Variants in TTI1 observed in about 807,000 individuals in gnomAD.
The protein encoded by TTI1 is TELO2 interacting protein 1.
A neutral mutation model predicts 85.4 loss-of-function variants in TTI1; 52 were observed. The observed-to-expected ratio is 0.61, with a 90% CI of 0.49 to 0.77. TTI1 has a LOEUF of 0.77. Among genes scored for constraint, TTI1 ranks in the 30% least tolerant of loss-of-function variants. The probability of loss-of-function intolerance (pLI) is 0.00; values close to 1 mark genes in which losing one functional copy is unlikely to be tolerated. For synonymous variants in TTI1, 512 were observed against 503.9 expected, an observed-to-expected ratio of 1.02 and a Z score of -0.22; for missense variants, 1,173 against 1,296.0, an observed-to-expected ratio of 0.91 and a Z score of 1.46.
chr20:38,002,998 C>G (rs946328527), intron 3 of TTI1, among the ~76,000 whole-genome samples: 1 of 152,204 alleles, frequency 6.6e-6, no homozygotes, highest in Non-Finnish European at 1.5e-5. Context: ...GGGCCTTGCT[C>G]TGTCCAAGCT....
chr20:37,996,761 T>G lies in TTI1; in HGVS notation c.2986A>C (p.Arg996=), dbSNP rs750377524. ...GCCTGGTACCCACCTAGGTCCAGTC[T>G]CTCACAGAGGGGGCCCAGGCCCTGT... ...VLQGLGPLCE[R]LDLGEGDLNK... is the part of the protein sequence containing the mutation. The change falls in exon 6 of 8, where the codon AGA becomes CGA. Residue 996 remains arginine, a synonymous_variant. Coordinates refer to ENST00000373447, the MANE Select transcript of TTI1 (RefSeq NM_001303457.2). 6 of 1,610,238 alleles carry G rather than the reference T, an allele frequency of 3.7e-6. No individual in the cohort carries two copies. The South Asian group carries it at 5.5e-5, about 15-fold the overall frequency.
At chr20:38,021,903 G>A (rs1359537348) in intron 1 of TTI1, among the ~76,000 whole-genome samples, 1 of 152,156 alleles carries the variant, frequency 6.6e-6, no homozygotes, top group East Asian at 1.9e-4. Flanking sequence ...TAGATCCCAA[G>A]GTACTTACTG....
At chr20:38,027,024 A>C (rs2073845083) in intron 1 of TTI1, among the ~76,000 whole-genome samples, 1 of 152,290 alleles carries the variant, frequency 6.6e-6, no homozygotes, top group African/African-American at 2.4e-5. Context: ...ATATACTCAG[A>C]AACATCATAG....
intron 1 of TTI1, among the ~76,000 whole-genome samples, chr20:38,023,523 A>G (rs1043527878): frequency 1.3e-5 from 2 of 152,182 alleles, no homozygotes; most frequent in Non-Finnish European, 2.9e-5. Flanking sequence ...ATGATGAAAT[A>G]GGTTCTTGTT....
chr20:38,020,323 A>AAAAATATATATATATATATATATATAT, intron 1 of TTI1, among the ~76,000 whole-genome samples: 3 of 50,380 alleles, frequency 6.0e-5, no homozygotes, highest in African/African-American at 8.9e-5. Flanking sequence ...AAAAAAAAAA[A>AAAAATATATATATATATATATATATAT]ATATATATAT....
Position 38,011,506 on chromosome 20 carries a change from T to C in TTI1, c.2302+9A>G. On this transcript the variant is annotated intron_variant, in intron 2 of 7. Coordinates refer to ENST00000373447, the MANE Select transcript of TTI1 (RefSeq NM_001303457.2). Reference sequence around the variant, plus strand: ...CACACATCAGCATTAAAAAGGGCTCTCAATGTACCTAATGCTGCCATCAGA... The same window carrying C: ...CACACATCAGCATTAAAAAGGGCTCCCAATGTACCTAATGCTGCCATCAGA... The C allele has an allele frequency of 6.2e-7, 1 of 1,612,534 alleles. No homozygotes were observed. Among genetic ancestry groups the C allele is most frequent in the East Asian group, 2.2e-5 (1 of 44,866 alleles).
At position 38,013,178 on chromosome 20, in the gene TTI1, G is replaced by C. The variant is rs758478402; in HGVS notation, c.639C>G (p.Ile213Met). The change falls in exon 2 of 8, where the codon ATC becomes ATG. Residue 213 changes from isoleucine (I) to methionine (M), a missense_variant. By Grantham distance (10) the Ile-to-Met change is conservative (BLOSUM62 1). Coordinates refer to ENST00000373447, the MANE Select transcript of TTI1 (RefSeq NM_001303457.2). ...TGATAAGCCTGGTCAGTGCAGTTGAGATTCCAGGTAAAAAAGAGGCAAACA... is the reference window on the plus strand; with the variant it reads ...TGATAAGCCTGGTCAGTGCAGTTGACATTCCAGGTAAAAAAGAGGCAAACA... ...GDLFASFLPG[I>M]STALTRLITG... 1.2e-6 allele frequency: 2 copies of C among 1,614,170 alleles called. No homozygotes were observed. Among genetic ancestry groups the C allele is most frequent in the Non-Finnish European group, 8.5e-7 (1 of 1,180,042 alleles).
chr20:38,011,591 C>A lies in TTI1; in HGVS notation c.2226G>T (p.Leu742Phe). The A allele has an allele frequency of 6.2e-7, 1 of 1,614,178 alleles. No homozygotes were observed. The highest frequency in any genetic ancestry group is 8.5e-7 in the Non-Finnish European group (1 of 1,180,026). The change falls in exon 2 of 8, where the codon TTG (leucine) becomes TTT (phenylalanine). Residue 742 changes from leucine to phenylalanine, a missense_variant. Leu to Phe is a conservative substitution (Grantham distance 22). Coordinates refer to ENST00000373447, the MANE Select transcript of TTI1 (RefSeq NM_001303457.2). ...TATCGTAAAATTGGTCCAGGGTGGCCAAGACATCTTGAACCACATCTGCCA... is the reference window on the plus strand; with the variant it reads ...TATCGTAAAATTGGTCCAGGGTGGCAAAGACATCTTGAACCACATCTGCCA... ...PLVADVVQDV[L>F]ATLDQFYDKR... is the part of the protein sequence containing the mutation.
At chr20:37,987,060 CGA>C in intron 7 of TTI1, 1 of 418,874 alleles carries the variant, frequency 2.4e-6, no homozygotes, top group Non-Finnish European at 4.8e-6. Context: ...GCTCTCACTC[CGA>C]GAGGCAGGCG....
chr20:37,993,412 TA>T (rs2073293896), intron 7 of TTI1, among the ~76,000 whole-genome samples: 1 of 152,090 alleles, frequency 6.6e-6, no homozygotes, highest in African/African-American at 2.4e-5. Context: ...TATGGCAAAT[TA>T]AAAAAGCAAA....
At chr20:37,995,416 A>C (rs187330160) in intron 7 of TTI1, among the ~76,000 whole-genome samples, 1 of 152,306 alleles carries the variant, frequency 6.6e-6, no homozygotes, top group Admixed American at 6.5e-5. Flanking sequence ...TTGACTCCTA[A>C]CTCCCACCCC....
At chr20:38,025,334 T>C (rs1474423337) in intron 1 of TTI1, among the ~76,000 whole-genome samples, 1 of 152,152 alleles carries the variant, frequency 6.6e-6, no homozygotes, top group Non-Finnish European at 1.5e-5. Flanking sequence ...TTTGGAAGGC[T>C]GTGGCTGGTA....
intron 7 of TTI1, chr20:37,987,109 C>T (rs1163817090): frequency 2.2e-6 from 1 of 453,952 alleles, no homozygotes; most frequent in Non-Finnish European, 4.4e-6. Context: ...TTCCAAACCG[C>T]ACCCTTGTTG....
intron 7 of TTI1, among the ~76,000 whole-genome samples, chr20:37,988,826 GTGTTCCCGT>G (rs568408836): frequency 1.4e-3 from 215 of 152,260 alleles, no homozygotes; most frequent in Non-Finnish European, 2.5e-3. Flanking sequence ...AGTTATTTTG[GTGTTCCCGT>G]TGTTCCCTCT....
chr20:38,010,115 A>T (rs2073561132), intron 2 of TTI1, among the ~76,000 whole-genome samples: 2 of 152,014 alleles, frequency 1.3e-5, no homozygotes, highest in Admixed American at 1.3e-4. Context: ...TATGGCAGGC[A>T]CTCTTGAATG....
At chr20:38,022,340 C>G (rs543075367) in intron 1 of TTI1, among the ~76,000 whole-genome samples, 2 of 152,314 alleles carry the variant, frequency 1.3e-5, no homozygotes, top group Admixed American at 6.5e-5. Flanking sequence ...CTTTCCTTGC[C>G]TTTAAAATTT....
Position 37,983,557 on chromosome 20 carries a change from G to A in TTI1, c.3169C>T (p.Pro1057Ser), listed in dbSNP as rs1426396027. 14 of 1,609,574 alleles carry A rather than the reference G, an allele frequency of 8.7e-6. No homozygotes were observed. Among genetic ancestry groups the A allele is most frequent in the African/African-American group, 1.3e-5 (1 of 74,816 alleles). The change falls in exon 8 of 8, where the codon CCT becomes TCT. Residue 1057 changes from proline (P) to serine (S), a missense_variant. Coordinates refer to ENST00000373447, the MANE Select transcript of TTI1 (RefSeq NM_001303457.2). ...ACAGGGTGGAGGCTGGGGTGGGGAG[G>A]TGTGAACTGCACGGGGCAGTAAAGC... is the stretch of plus-strand genomic sequence containing the variant. Reference protein sequence around the residue: ...NELYCPVQFTPPHPSLHPVQL... With the variant: ...NELYCPVQFTSPHPSLHPVQL...
At chr20:38,006,930 C>G (rs538603332) in intron 2 of TTI1, among the ~76,000 whole-genome samples, 6 of 152,206 alleles carry the variant, frequency 3.9e-5, no homozygotes, top group Non-Finnish European at 8.8e-5. Flanking sequence ...CATCTCTATT[C>G]CTTCAACCAA....
At chr20:38,023,924 C>T (rs1191321828) in intron 1 of TTI1, among the ~76,000 whole-genome samples, 1 of 152,084 alleles carries the variant, frequency 6.6e-6, no homozygotes, top group Non-Finnish European at 1.5e-5. Context: ...GAAGAACATG[C>T]GGAGGAGGGG....
Sources: allele counts gnomAD v4.1 joint callset (sites outside exome capture counted in the v4.1 genomes callset), GRCh38; gene constraint gnomAD v4.1.1; transcripts MANE v1.5; gene names NCBI Gene and HGNC (gene_info 2026-07-23, HGNC 2026-07-21).